HSCB: variants seen among roughly 807,000 people sequenced by gnomAD.
HSCB encodes iron-sulfur cluster co-chaperone protein HscB.
A neutral mutation model predicts 31.3 loss-of-function variants in HSCB; 23 were observed. The observed-to-expected ratio is 0.74, with a 90% CI of 0.53 to 1.04. The LOEUF (loss-of-function observed/expected upper bound fraction) is 1.04, where lower values mean the gene tolerates loss of function less well. HSCB is among the 50% of genes least tolerant of loss of function. The probability of loss-of-function intolerance (pLI) is 0.00; values close to 1 mark genes in which losing one functional copy is unlikely to be tolerated. For missense variants in HSCB, 297 were observed against 288.1 expected (o/e 1.03, Z -0.22); for synonymous variants, 110 against 104.5 (o/e 1.05, Z -0.32).
intron 5 of HSCB, among the ~76,000 whole-genome samples, chr22:28,752,723 G>C (rs1161795187): frequency 6.9e-6 from 1 of 144,742 alleles, no homozygotes; most frequent in Non-Finnish European, 1.5e-5. Flanking sequence ...AACAGAGCGA[G>C]ACTCCATCTC....
Position 28,743,978 on chromosome 22 carries a change from G to C in HSCB, c.333G>C (p.Gln111His). 6.2e-7 allele frequency: 1 copy of C among 1,612,174 alleles called. No homozygotes were observed. The highest frequency in any genetic ancestry group is 1.3e-5 in the African/African-American group (1 of 75,004). The change falls in exon 2 of 6, where the codon CAG (glutamine) becomes CAC (histidine). Residue 111 changes from glutamine (Q) to histidine (H), a missense_variant and splice_region_variant. Gln to His is a conservative substitution (Grantham distance 24). Transcript: ENST00000216027. ...VHPDFFSQRS[Q>H]TEKDFSEKHS... Reference sequence around the variant, plus strand: ...CAGATTTCTTCAGCCAGAGGTCTCAGGTAGCTTATTGGCCAACCCCAATAA... The same window carrying C: ...CAGATTTCTTCAGCCAGAGGTCTCACGTAGCTTATTGGCCAACCCCAATAA...
chr22:28,747,008 G>A (rs2029892603), intron 4 of HSCB, among the ~76,000 whole-genome samples: 1 of 151,964 alleles, frequency 6.6e-6, no homozygotes, highest in South Asian at 2.1e-4. Flanking sequence ...AGGTTGCAGT[G>A]AGCTGAGATC....
At chr22:28,756,194 G>T (rs2030585454) in intron 5 of HSCB, among the ~76,000 whole-genome samples, 1 of 151,346 alleles carries the variant, frequency 6.6e-6, no homozygotes, top group South Asian at 2.1e-4. Context: ...GTTGCAGTGA[G>T]CTGAGATCAC....
At position 28,757,407 on chromosome 22, in the gene HSCB, C is replaced by T. The variant is rs1265509583; in HGVS notation, c.*238C>T. 1 of 363,884 alleles carries T rather than the reference C, an allele frequency of 2.7e-6. No individual in the cohort carries two copies. Among genetic ancestry groups the T allele is most frequent in the East Asian group, 7.1e-5 (1 of 14,156 alleles). The allele number at this position is 363,884 out of a possible 1,614,324, so 22.5% of individuals were successfully genotyped here. A position where few individuals can be genotyped will look rare whatever the true frequency, so the allele number is the denominator to read the frequency against. On this transcript the variant is annotated 3_prime_UTR_variant, in exon 6 of 6. Coordinates refer to ENST00000216027, the MANE Select transcript of HSCB (RefSeq NM_172002.5). ...GGCCGAGGCAGGAGAATCGCTTAAA[C>T]CCGTGAGGTGGAGGTTGCAGTGAGC...
chr22:28,754,903 C>A (rs2030497026), intron 5 of HSCB, among the ~76,000 whole-genome samples: 2 of 150,208 alleles, frequency 1.3e-5, no homozygotes, highest in Admixed American at 6.6e-5. Flanking sequence ...TCAAGTGATT[C>A]TCCTGCCTCA....
intron 5 of HSCB, among the ~76,000 whole-genome samples, chr22:28,751,823 C>T (rs2030279910): frequency 6.6e-6 from 1 of 151,816 alleles, no homozygotes; most frequent in African/African-American, 2.4e-5. Context: ...GGAACAGTGA[C>T]TCACGCCTGT....
chr22:28,742,059 C>G lies in HSCB; in HGVS notation c.-37C>G. On this transcript the variant is annotated 5_prime_UTR_variant, in exon 1 of 6. Transcript: ENST00000216027. ...TGGTTAGACGCTCTCTTTGCTTTTC[C>G]CCACGAGTGACCACGGCTAGATAGG... 6.3e-7 allele frequency: 1 copy of G among 1,576,008 alleles called. No homozygotes were observed. The highest frequency in any genetic ancestry group is 1.3e-5 in the African/African-American group (1 of 74,288).
intron 4 of HSCB, among the ~76,000 whole-genome samples, chr22:28,749,259 G>A (rs1403166795): frequency 2.0e-5 from 3 of 151,952 alleles, no homozygotes; most frequent in Non-Finnish European, 4.4e-5. Context: ...CTCCACTCCA[G>A]CCACAATGAC....
intron 5 of HSCB, among the ~76,000 whole-genome samples, chr22:28,753,959 A>G (rs2030431164): frequency 6.6e-6 from 1 of 151,662 alleles, no homozygotes. Flanking sequence ...CCTGGCCAAC[A>G]TGGTGAAACC....
chr22:28,742,630 G>A, intron 1 of HSCB: 1 of 441,342 alleles, frequency 2.3e-6, no homozygotes, highest in South Asian at 3.4e-5. Context: ...TTGAGGGGCG[G>A]TACCTACGGG....
At chr22:28,743,521 T>C (rs561618374) in intron 1 of HSCB, among the ~76,000 whole-genome samples, 148 of 152,322 alleles carry the variant, frequency 9.7e-4, no homozygotes, top group African/African-American at 3.5e-3. Flanking sequence ...TATGGGATCT[T>C]CCCCACCAGT....
At chr22:28,744,771 GT>G in intron 3 of HSCB, 67 bp downstream of exon 3, 1 of 1,233,082 alleles carries the variant, frequency 8.1e-7, no homozygotes, top group South Asian at 1.2e-5. Context: ...GGACAGCCAC[GT>G]CCCCTTTATT....
Position 28,743,913 on chromosome 22 carries a change from C to T in HSCB, c.268C>T (p.Leu90Phe), listed in dbSNP as rs749592735. ...TTCCTTCAGAGTTGATACAGCGAAGCTCCAGCACAGGTACCAGCAACTGCA... is the reference window on the plus strand; with the variant it reads ...TTCCTTCAGAGTTGATACAGCGAAGTTCCAGCACAGGTACCAGCAACTGCA... ...NRSFRVDTAKLQHRYQQLQRL... is the reference protein window; with the variant it reads ...NRSFRVDTAKFQHRYQQLQRL... The change falls in exon 2 of 6, where the codon CTC (leucine) becomes TTC (phenylalanine). Residue 90 changes from leucine (L) to phenylalanine (F), a missense_variant. Physicochemically the swap from Leu to Phe is conservative, Grantham distance 22. Transcript: ENST00000216027. 2.5e-6 allele frequency: 4 copies of T among 1,614,192 alleles called. No homozygotes were observed. The South Asian group carries it at 4.4e-5, about 18-fold the overall frequency.
chr22:28,744,096 G>A, intron 2 of HSCB, 118 bp downstream of exon 2: 1 of 830,510 alleles, frequency 1.2e-6, no homozygotes, highest in South Asian at 1.4e-5. Context: ...TCTGCCCCAT[G>A]GCAGTCTGAC....
rs767179523 is a variant in HSCB, at chr22:28,746,045, T to A, written c.568+37T>A. On this transcript the variant is annotated intron_variant, in intron 4 of 5. Transcript: ENST00000216027. ...AATAGCACTGAATGTATTTCATTGC[T>A]GTTATGAACACTTGTCCAAGGATTA... The A allele has an allele frequency of 8.8e-6, 14 of 1,583,666 alleles. No individual in the cohort carries two copies. In the East Asian group the frequency reaches 2.9e-4, roughly 33 times the overall value.
chr22:28,752,903 A>C (rs191106414), intron 5 of HSCB, among the ~76,000 whole-genome samples: 3,056 of 150,964 alleles, frequency 0.02, 106 homozygotes, highest in African/African-American at 0.071. Flanking sequence ...ACATGGTGGA[A>C]CCCCGTCTCT....
chr22:28,757,335 A>C lies in HSCB; in HGVS notation c.*166A>C. On this transcript the variant is annotated 3_prime_UTR_variant, in exon 6 of 6. Transcript: ENST00000216027. ...CCCCGTCTCTGCTGAAAATACAAAA[A>C]TTAGCCGGGCATGGTGGCGCGTGCC... 2.2e-6 allele frequency: 1 copy of C among 456,482 alleles called. No homozygotes were observed. Among genetic ancestry groups the C allele is most frequent in the East Asian group, 4.6e-5 (1 of 21,636 alleles). 28.3% of individuals were successfully genotyped at this position (456,482 alleles called of 1,614,324 possible).
At chr22:28,743,073 C>A (rs1316894889) in intron 1 of HSCB, among the ~76,000 whole-genome samples, 1 of 152,146 alleles carries the variant, frequency 6.6e-6, no homozygotes, top group African/African-American at 2.4e-5. Flanking sequence ...TTCAGTCACA[C>A]TTGTTCAAGC....
At position 28,746,305 on chromosome 22, in the gene HSCB, C is replaced by T. The variant is rs553829178; in HGVS notation, c.568+297C>T. On this transcript the variant is annotated intron_variant, in intron 4 of 5. Coordinates refer to ENST00000216027, the MANE Select transcript of HSCB (RefSeq NM_172002.5). The stretch of plus-strand genomic sequence containing the variant: ...CTGAGGCAGGAGAATGGCGTGAACC[C>T]GAGAGGCAGAGATTGCAGTAAGCGG... Among the ~76,000 whole-genome samples the T allele has an allele frequency of 6.1e-5, 9 of 147,106 alleles. No homozygotes were observed. In the South Asian group the frequency reaches 1.7e-3, roughly 28 times the overall value.
Sources: gnomAD v4.1 joint callset for allele counts (sites outside exome capture counted in the v4.1 genomes callset) on GRCh38, gnomAD v4.1.1 for gene constraint, MANE v1.5 for transcripts, NCBI Gene and HGNC (gene_info 2026-07-23, HGNC 2026-07-21) for gene names.